The following KNTC1 variants were observed in gnomAD, a reference collection of about 807,000 sequenced individuals.
KNTC1 encodes kinetochore associated 1.
Under a neutral mutation model 314.4 loss-of-function variants are expected in KNTC1, and 253 were observed. The observed-to-expected ratio is 0.80, with a 90% CI of 0.73 to 0.89. The LOEUF is 0.89. Among genes scored for constraint, KNTC1 ranks in the 40% least tolerant of loss-of-function variants. The pLI is 0.00. For missense variants in KNTC1, 2,475 were observed against 2,572.9 expected, an observed-to-expected ratio of 0.96 and a Z score of 0.82; for synonymous variants, 901 against 901.4, an observed-to-expected ratio of 1.00 and a Z score of 0.01.
rs367987502 is a variant in KNTC1 at position 122,604,162 on chromosome 12, G to A, written c.5102-402G>A. 3.0e-3 allele frequency among the ~76,000 whole-genome samples: 450 copies of A among 147,722 alleles called. 2 individuals are homozygous for A. Among genetic ancestry groups the A allele is most frequent in the African/African-American group, 0.01 (409 of 39,026 alleles). ...GAATGGAATCTGATGAGAGGGCCCC[G>A]GTGGGCTTTTTTTTTTTTTTTTTTT... On this transcript the variant is annotated intron_variant, in intron 48 of 63. Coordinates refer to ENST00000333479, the MANE Select transcript of KNTC1 (RefSeq NM_014708.6).
At chr12:122,614,233 C>T (rs963022172) in intron 55 of KNTC1, among the ~76,000 whole-genome samples, 1 of 152,192 alleles carries the variant, frequency 6.6e-6, no homozygotes, top group Non-Finnish European at 1.5e-5. Context: ...GTCCTTTTAC[C>T]TCTTTTGCCT....
chr12:122,537,073 TC>T (rs1415047148), intron 3 of KNTC1, among the ~76,000 whole-genome samples: 2 of 152,198 alleles, frequency 1.3e-5, no homozygotes, highest in African/African-American at 2.4e-5. Context: ...TAACTTGAGT[TC>T]GTAAGCCAGT....
intron 62 of KNTC1, among the ~76,000 whole-genome samples, chr12:122,623,066 C>A (rs781644920): frequency 6.6e-6 from 1 of 152,152 alleles, no homozygotes; most frequent in Non-Finnish European, 1.5e-5. Flanking sequence ...AAAAGTTAAT[C>A]ATTTAATAAC....
At chr12:122,609,045 C>T (rs925476542) in intron 51 of KNTC1, among the ~76,000 whole-genome samples, 2 of 152,066 alleles carry the variant, frequency 1.3e-5, no homozygotes, top group African/African-American at 2.4e-5. Flanking sequence ...AGTGACAGAG[C>T]AAGATCCTGT....
At chr12:122,590,803 G>GT in intron 41 of KNTC1, 68 bp downstream of exon 41, 1 of 1,468,334 alleles carries the variant, frequency 6.8e-7, no homozygotes, top group South Asian at 1.3e-5. Context: ...AATGAAGTTG[G>GT]TTTTGCCACC....
chr12:122,572,796 C>CATA, intron 24 of KNTC1, 141 bp from the exon 25 acceptor site: 1 of 592,588 alleles, frequency 1.7e-6, no homozygotes, highest in Non-Finnish European at 2.9e-6. Context: ...AAATTTAGAG[C>CATA]ATAAGTTGGT....
chr12:122,571,276 A>C (rs917603169), intron 24 of KNTC1, 150 bp downstream of exon 24: 4 of 480,926 alleles, frequency 8.3e-6, no homozygotes, highest in African/African-American at 7.8e-5. Flanking sequence ...TTTCAAATCC[A>C]TATGTAGGAA....
intron 50 of KNTC1, 30 bp downstream of exon 50, chr12:122,605,117 A>G: frequency 1.9e-6 from 3 of 1,555,632 alleles, no homozygotes; most frequent in Non-Finnish European, 2.6e-6. Context: ...TTTGTTGTCC[A>G]AGAAAAGCTA....
chr12:122,559,504 T>TC (rs1963835606), intron 18 of KNTC1, among the ~76,000 whole-genome samples: 1 of 152,138 alleles, frequency 6.6e-6, no homozygotes, highest in African/African-American at 2.4e-5. Context: ...TATACTTTTT[T>TC]CCCCCAATTT....
At chr12:122,553,515 G>A (rs1037846402) in intron 16 of KNTC1, among the ~76,000 whole-genome samples, 4 of 151,962 alleles carry the variant, frequency 2.6e-5, no homozygotes, top group African/African-American at 9.7e-5. Context: ...GGGCATCATA[G>A]TGAGCCTCTC....
chr12:122,571,049 C>T lies in KNTC1; in HGVS notation c.1942C>T (p.Gln648Ter), dbSNP rs773583890. The T allele has an allele frequency of 1.9e-6, 3 of 1,613,462 alleles. No homozygotes were observed. The South Asian group carries it at 3.3e-5, about 18-fold the overall frequency. The change falls in exon 24 of 64, where the codon CAA (glutamine) becomes TAA (stop). Residue 648 changes from glutamine to a stop codon, truncating the protein, a stop_gained. Transcript: ENST00000333479. LOFTEE classifies it high-confidence loss of function. ...DKANWPENGL[Q>*]LAEIFFTAEK... ...GGCAAATTGGCCAGAAAATGGACTT[C>T]AATTGGCAGAGATATTTTTTACAGC...
At chr12:122,579,808 T>C (rs1221672877) in intron 31 of KNTC1, 97 bp from the exon 32 acceptor site, 9 of 815,762 alleles carry the variant, frequency 1.1e-5, no homozygotes, top group African/African-American at 1.7e-5. Flanking sequence ...CACGATTGTT[T>C]TTTCTGCTTC....
chr12:122,612,482 CG>C (rs1471707211), intron 53 of KNTC1, among the ~76,000 whole-genome samples: 19 of 149,524 alleles, frequency 1.3e-4, no homozygotes, highest in Non-Finnish European at 2.2e-4. Flanking sequence ...TGCAGTGGCG[CG>C]ATCTCAGCTC....
In KNTC1 at chr12:122,565,251, T is replaced by TA. The variant is rs1227862960; in HGVS notation, c.1604+2552_1604+2553insA. On this transcript the variant is annotated intron_variant, in intron 20 of 63. Coordinates refer to ENST00000333479, the MANE Select transcript of KNTC1 (RefSeq NM_014708.6). ...CTTTCTCTTGAGTTGTTTTTTTTTT[T>TA]TAAAAAAAAAAAAACAGAGCTATTT... 2.9e-3 allele frequency among the ~76,000 whole-genome samples: 389 copies of TA among 133,026 alleles called. 1 individual carries two copies. The highest frequency in any genetic ancestry group is 8.0e-3 in the South Asian group (32 of 4,016). The allele number at this position is 133,026 out of a possible 152,430, so 87.3% of individuals were successfully genotyped here. A position where few individuals can be genotyped will look rare whatever the true frequency, so the allele number is the denominator to read the frequency against.
intron 43 of KNTC1, 58 bp from the exon 44 acceptor site, chr12:122,597,673 C>A: frequency 7.1e-7 from 1 of 1,408,892 alleles, no homozygotes; most frequent in Non-Finnish European, 1.0e-6. Flanking sequence ...TTGTCAGATA[C>A]TTTGCATGGA....
At chr12:122,559,327 A>G (rs911818306) in intron 18 of KNTC1, among the ~76,000 whole-genome samples, 1 of 152,088 alleles carries the variant, frequency 6.6e-6, no homozygotes, top group Non-Finnish European at 1.5e-5. Context: ...GCAACGGAGC[A>G]AGACTCTGTC....
chr12:122,545,238 T>C (rs79136409), intron 8 of KNTC1, among the ~76,000 whole-genome samples: 2,844 of 152,274 alleles, frequency 0.019, 87 homozygotes, highest in African/African-American at 0.06. Flanking sequence ...GCCAAATTTA[T>C]ATATTAAGAA....
At chr12:122,559,433 A>G (rs935650992) in intron 18 of KNTC1, among the ~76,000 whole-genome samples, 1 of 152,040 alleles carries the variant, frequency 6.6e-6, no homozygotes, top group African/African-American at 2.4e-5. Context: ...ATAATATTCT[A>G]TTTTATGGAT....
At chr12:122,573,360 T>C in intron 26 of KNTC1, 75 bp downstream of exon 26, 2 of 1,313,566 alleles carry the variant, frequency 1.5e-6, no homozygotes, top group Non-Finnish European at 2.1e-6. Flanking sequence ...TTTAACTCTT[T>C]AAGGAATGTC....
Sources: allele counts gnomAD v4.1 joint callset (sites outside exome capture counted in the v4.1 genomes callset), GRCh38; gene constraint gnomAD v4.1.1; transcripts MANE v1.5; gene names NCBI Gene and HGNC (gene_info 2026-07-23, HGNC 2026-07-21).